The following DSCAML1 variants were observed in gnomAD, a reference collection of about 807,000 sequenced individuals.
The protein encoded by DSCAML1 is cell adhesion molecule DSCAML1.
DSCAML1 carries 38 observed loss-of-function variants against 200.5 expected under a neutral mutation model. The ratio of observed to expected loss-of-function variants is 0.19; its 90% confidence interval spans 0.15 to 0.25. DSCAML1 has a LOEUF of 0.25. Among genes scored for constraint, DSCAML1 ranks in the 10% least tolerant of loss-of-function variants. DSCAML1 has a pLI of 1.00. For synonymous variants in DSCAML1, 1,215 were observed against 1,165.0 expected, an observed-to-expected ratio of 1.04 and a Z score of -0.87; for missense variants, 2,223 against 2,858.8, an observed-to-expected ratio of 0.78 and a Z score of 5.07.
chr11:117,602,864 C>A (rs991721093), intron 3 of DSCAML1, among the ~76,000 whole-genome samples: 1 of 151,884 alleles, frequency 6.6e-6, no homozygotes, highest in South Asian at 2.1e-4. Context: ...TTTGGGAAGC[C>A]GAGACAGGTG....
At chr11:117,775,218 C>G (rs1479236275) in intron 3 of DSCAML1, among the ~76,000 whole-genome samples, 1 of 152,158 alleles carries the variant, frequency 6.6e-6, no homozygotes, top group Non-Finnish European at 1.5e-5. Context: ...GGGCTGTGCA[C>G]CTCATGACTC....
intron 20 of DSCAML1, among the ~76,000 whole-genome samples, chr11:117,447,749 GCA>G (rs1257704752): frequency 2.0e-5 from 3 of 152,174 alleles, no homozygotes; most frequent in Non-Finnish European, 4.4e-5. Context: ...GCATGTGTGA[GCA>G]CACACAGTCT....
At chr11:117,442,069 TGC>T (rs2048064744) in intron 21 of DSCAML1, among the ~76,000 whole-genome samples, 2 of 151,470 alleles carry the variant, frequency 1.3e-5, no homozygotes, top group Admixed American at 6.6e-5. Context: ...TGTGCGCAGA[TGC>T]GTGTTTGTGC....
chr11:117,664,102 G>A (rs943373369), intron 3 of DSCAML1, among the ~76,000 whole-genome samples: 1 of 152,224 alleles, frequency 6.6e-6, no homozygotes, highest in Non-Finnish European at 1.5e-5. Flanking sequence ...GTAGTTCCAG[G>A]ATGCTGGGAG....
At chr11:117,794,194 T>C (rs2055530968) in intron 1 of DSCAML1, among the ~76,000 whole-genome samples, 1 of 152,214 alleles carries the variant, frequency 6.6e-6, no homozygotes, top group Non-Finnish European at 1.5e-5. Context: ...ATCCATTATT[T>C]TGGCTTTTAG....
At chr11:117,433,108 G>A (rs1212525193) in intron 29 of DSCAML1, 30 bp downstream of exon 29, 2 of 1,587,276 alleles carry the variant, frequency 1.3e-6, no homozygotes, top group East Asian at 2.2e-5. Context: ...CACCCAGCAG[G>A]ACAGGGAACT....
chr11:117,534,463 C>T (rs546393119), intron 3 of DSCAML1, among the ~76,000 whole-genome samples: 3 of 152,294 alleles, frequency 2.0e-5, no homozygotes, highest in East Asian at 1.9e-4. Flanking sequence ...ATCTTCTTGG[C>T]GCTCCCTCTG....
chr11:117,552,670 G>C (rs951483371), intron 3 of DSCAML1, among the ~76,000 whole-genome samples: 1 of 152,188 alleles, frequency 6.6e-6, no homozygotes, highest in Non-Finnish European at 1.5e-5. Flanking sequence ...AAACACTGAC[G>C]TAAAGGAAAG....
At chr11:117,781,301 A>G (rs1275299853) in intron 1 of DSCAML1, among the ~76,000 whole-genome samples, 3 of 151,922 alleles carry the variant, frequency 2.0e-5, no homozygotes, top group Admixed American at 2.0e-4. Context: ...GAAAAAAAAA[A>G]AAAAGAAAGA....
chr11:117,798,709 T>C (rs1274440932), upstream of DSCAML1, among the ~76,000 whole-genome samples: 1 of 152,126 alleles, frequency 6.6e-6, no homozygotes, highest in Non-Finnish European at 1.5e-5. Context: ...TCATAAAGTA[T>C]GTATCCTTTT....
At chr11:117,561,402 C>A (rs2050659969) in intron 3 of DSCAML1, among the ~76,000 whole-genome samples, 1 of 152,230 alleles carries the variant, frequency 6.6e-6, no homozygotes, top group Non-Finnish European at 1.5e-5. Flanking sequence ...AGACCTCGCT[C>A]TGTGATTCTG....
At chr11:117,645,394 T>TG in intron 3 of DSCAML1, among the ~76,000 whole-genome samples, 1 of 152,222 alleles carries the variant, frequency 6.6e-6, no homozygotes, top group Non-Finnish European at 1.5e-5. Context: ...CAGGGAAGGT[T>TG]GGGACTGGAA....
intron 3 of DSCAML1, among the ~76,000 whole-genome samples, chr11:117,740,426 G>T (rs1043133291): frequency 1.3e-5 from 2 of 152,142 alleles, no homozygotes; most frequent in Non-Finnish European, 1.5e-5. Flanking sequence ...GTGGAGAGGA[G>T]GTTCTTAGGA....
Position 117,480,532 on chromosome 11 carries a change from T to A in DSCAML1, c.2696A>T (p.Lys899Met), listed in dbSNP as rs749799896. ...DPPELEIREV[K>M]ARSMNLRWTQ... ...CCAGCGCAGGTTCATGCTCCGGGCC[T>A]TCACCTCCCGGATCTCCAGCTCTGG... Residue 899 changes from lysine to methionine, a missense_variant, in exon 14 of 33, where the codon AAG (lysine) becomes ATG (methionine). Lys to Met is a moderately conservative substitution (Grantham distance 95, BLOSUM62 -1). Coordinates refer to ENST00000651296, the MANE Select transcript of DSCAML1 (RefSeq NM_020693.4). The surrounding 1 kb of genome is among the most constrained non-coding windows in gnomAD (Gnocchi z 4.1). 5.0e-6 allele frequency: 8 copies of A among 1,586,474 alleles called. No homozygotes were observed. In the South Asian group the frequency reaches 9.2e-5, roughly 18 times the overall value.
chr11:117,681,674 C>T (rs975114356), intron 3 of DSCAML1, among the ~76,000 whole-genome samples: 2 of 152,192 alleles, frequency 1.3e-5, no homozygotes, highest in Non-Finnish European at 2.9e-5. Context: ...CCAGCATCCT[C>T]CTCTCTCCCC....
chr11:117,571,805 A>AAGAT (rs774136218), intron 3 of DSCAML1, among the ~76,000 whole-genome samples: 10 of 152,192 alleles, frequency 6.6e-5, no homozygotes, highest in Non-Finnish European at 1.3e-4. Flanking sequence ...GTCACAGGAT[A>AAGAT]AGATAGGTCA....
At chr11:117,781,068 G>A (rs56397380) in intron 1 of DSCAML1, among the ~76,000 whole-genome samples, 9 of 152,228 alleles carry the variant, frequency 5.9e-5, no homozygotes, top group Non-Finnish European at 1.0e-4. Flanking sequence ...AGGCCGAGGC[G>A]GGCGGATCAC....
intron 14 of DSCAML1, among the ~76,000 whole-genome samples, chr11:117,479,129 A>G (rs948483782): frequency 1.3e-5 from 2 of 152,224 alleles, no homozygotes; most frequent in African/African-American, 4.8e-5. Flanking sequence ...GCCCTGTGCC[A>G]GGTGCTGGAA....
At chr11:117,812,206 C>A (rs2055767133) in intron 1 of DSCAML1, among the ~76,000 whole-genome samples, 1 of 152,140 alleles carries the variant, frequency 6.6e-6, no homozygotes, top group African/African-American at 2.4e-5. Context: ...CAATCATGCA[C>A]CCCTTACCAT....
Sources: gnomAD v4.1 joint callset for allele counts (sites outside exome capture counted in the v4.1 genomes callset) on GRCh38, gnomAD v4.1.1 for gene constraint, Gnocchi (gnomAD v3.1) non-coding constraint, MANE v1.5 for transcripts, NCBI Gene and HGNC (gene_info 2026-07-23, HGNC 2026-07-21) for gene names.